The following GRM8 variants were observed in gnomAD, a reference collection of about 807,000 sequenced individuals.
The protein encoded by GRM8 is glutamate metabotropic receptor 8.
In GRM8, 47 loss-of-function variants were observed where a neutral mutation model predicts 87.2. The observed-to-expected ratio is 0.54, with a 90% CI of 0.43 to 0.69. GRM8 has a LOEUF of 0.69. Ranked by LOEUF, GRM8 falls within the 30% of genes least tolerant of loss-of-function variation. The pLI is 0.00. For missense variants in GRM8, 1,019 were observed against 1,139.2 expected, an observed-to-expected ratio of 0.89 and a Z score of 1.52; for synonymous variants, 396 against 404.5, an observed-to-expected ratio of 0.98 and a Z score of 0.25.
At chr7:127,172,172 A>G (rs1393156528) in intron 2 of GRM8, among the ~76,000 whole-genome samples, 5 of 152,126 alleles carry the variant, frequency 3.3e-5, no homozygotes, top group Non-Finnish European at 7.4e-5. Flanking sequence ...ATTTTGCTAA[A>G]CTTTAATAAT....
chr7:126,684,635 GCA>G (rs1291987534), intron 7 of GRM8, among the ~76,000 whole-genome samples: 1 of 152,218 alleles, frequency 6.6e-6, no homozygotes, highest in Non-Finnish European at 1.5e-5. Context: ...CATCTCTCCA[GCA>G]CAGTGTCATA....
At chr7:126,983,002 T>C (rs1811688925) in intron 3 of GRM8, among the ~76,000 whole-genome samples, 1 of 152,160 alleles carries the variant, frequency 6.6e-6, no homozygotes, top group South Asian at 2.1e-4. Context: ...ACCTCTGTTG[T>C]GTAGTAGTAG....
chr7:126,983,814 A>G (rs1474034930), intron 3 of GRM8, among the ~76,000 whole-genome samples: 1 of 152,170 alleles, frequency 6.6e-6, no homozygotes, highest in Non-Finnish European at 1.5e-5. Flanking sequence ...GGGTCACTCC[A>G]CCAGGAAAAA....
chr7:126,668,870 G>A (rs1806083406), intron 7 of GRM8, among the ~76,000 whole-genome samples: 1 of 152,090 alleles, frequency 6.6e-6, no homozygotes. Context: ...TGTCAAAAGA[G>A]CTCTAATTAT....
intron 9 of GRM8, among the ~76,000 whole-genome samples, chr7:126,468,930 T>C (rs1804828404): frequency 6.6e-6 from 1 of 152,180 alleles, no homozygotes; most frequent in South Asian, 2.1e-4. Context: ...TCTTAACTTT[T>C]ATTTGATAAA....
At chr7:127,160,532 C>T (rs900315868) in intron 2 of GRM8, among the ~76,000 whole-genome samples, 3 of 149,902 alleles carry the variant, frequency 2.0e-5, no homozygotes, top group Non-Finnish European at 4.4e-5. Context: ...CCATCACGCG[C>T]GCGCACACAC....
chr7:126,439,848 G>A (rs958216547), intron 10 of GRM8, among the ~76,000 whole-genome samples: 15 of 151,560 alleles, frequency 9.9e-5, no homozygotes, highest in Admixed American at 2.6e-4. Flanking sequence ...GTGTGTGTGT[G>A]TGTGTGTGTC....
chr7:127,012,611 G>A (rs1192731792), intron 3 of GRM8, among the ~76,000 whole-genome samples: 2 of 151,998 alleles, frequency 1.3e-5, no homozygotes, highest in African/African-American at 4.8e-5. Flanking sequence ...TTTTCCTTCA[G>A]TTCACATCAC....
intron 6 of GRM8, among the ~76,000 whole-genome samples, chr7:126,824,596 A>T (rs531978039): frequency 1.7e-4 from 26 of 152,306 alleles, no homozygotes; most frequent in Admixed American, 1.3e-3. Flanking sequence ...AGCCCATGGC[A>T]GGCTCCAAGC....
chr7:127,144,244 G>C (rs1828433067), intron 2 of GRM8, among the ~76,000 whole-genome samples: 1 of 152,068 alleles, frequency 6.6e-6, no homozygotes, highest in Non-Finnish European at 1.5e-5. Context: ...AAGTCATAAA[G>C]TTTATCAAGA....
intron 8 of GRM8, among the ~76,000 whole-genome samples, chr7:126,539,280 G>C (rs1261155450): frequency 6.6e-6 from 1 of 151,256 alleles, no homozygotes; most frequent in Non-Finnish European, 1.5e-5. Context: ...TTGAAAAAAA[G>C]TGAAAAAAAA....
chr7:126,975,204 A>G (rs1204594), intron 3 of GRM8, among the ~76,000 whole-genome samples: 57,860 of 152,036 alleles, frequency 0.38, 11,339 homozygotes, highest in East Asian at 0.66. Context: ...GCACTTACCC[A>G]CATGAACTGG....
intron 6 of GRM8, among the ~76,000 whole-genome samples, chr7:126,834,473 C>T (rs1170647912): frequency 6.6e-6 from 1 of 152,122 alleles, no homozygotes; most frequent in Non-Finnish European, 1.5e-5. Flanking sequence ...TATTGAAGTC[C>T]ATGTAGTGTT....
chr7:126,816,914 T>A (rs1793841482), intron 6 of GRM8, among the ~76,000 whole-genome samples: 1 of 152,170 alleles, frequency 6.6e-6, no homozygotes, highest in East Asian at 1.9e-4. Flanking sequence ...TCCATTATAT[T>A]TTGTTTGAAG....
intron 7 of GRM8, among the ~76,000 whole-genome samples, chr7:126,662,602 G>C (rs976767684): frequency 6.6e-6 from 1 of 152,212 alleles, no homozygotes; most frequent in Non-Finnish European, 1.5e-5. Flanking sequence ...CAAATTTCAT[G>C]AGGATTTGTG....
chr7:126,453,901 C>T (rs577286574), intron 9 of GRM8, among the ~76,000 whole-genome samples: 1 of 151,674 alleles, frequency 6.6e-6, no homozygotes, highest in Non-Finnish European at 1.5e-5. Flanking sequence ...TCTACTCTCT[C>T]AGTGCTTATT....
chr7:126,884,276 C>T (rs1336609258), intron 6 of GRM8, among the ~76,000 whole-genome samples: 1 of 151,996 alleles, frequency 6.6e-6, no homozygotes, highest in Non-Finnish European at 1.5e-5. Flanking sequence ...ATGTCATTCA[C>T]CTGTGAATTA....
chr7:126,687,233 T>C (rs1395791707), intron 7 of GRM8, among the ~76,000 whole-genome samples: 1 of 152,232 alleles, frequency 6.6e-6, no homozygotes, highest in Non-Finnish European at 1.5e-5. Flanking sequence ...ACTTTTAAGA[T>C]AAACTTTGTC....
chr7:126,754,532 A>G (rs1027427293), intron 7 of GRM8, among the ~76,000 whole-genome samples: 1 of 151,960 alleles, frequency 6.6e-6, no homozygotes, highest in African/African-American at 2.4e-5. Context: ...GTCACTGTTC[A>G]AAGATATGAA....
Sources: gnomAD v4.1 joint callset for allele counts (sites outside exome capture counted in the v4.1 genomes callset) on GRCh38, gnomAD v4.1.1 for gene constraint, MANE v1.5 for transcripts, NCBI Gene and HGNC (gene_info 2026-07-23, HGNC 2026-07-21) for gene names.